Variants in CACNA1D observed in about 807,000 individuals in gnomAD.
CACNA1D encodes the protein voltage-dependent L-type calcium channel subunit alpha-1D.
A neutral mutation model predicts 257.1 loss-of-function variants in CACNA1D; 55 were observed. The ratio of observed to expected loss-of-function variants is 0.21; its 90% confidence interval spans 0.17 to 0.27. CACNA1D has a LOEUF of 0.27. Among genes scored for constraint, CACNA1D ranks in the 10% least tolerant of loss-of-function variants. The pLI is 1.00. For missense variants in CACNA1D, 1,876 were observed against 2,784.0 expected (o/e 0.67, Z 7.34); for synonymous variants, 980 against 1,014.9 (o/e 0.97, Z 0.65).
At chr3:53,628,679 C>T (rs1470268360) in intron 3 of CACNA1D, among the ~76,000 whole-genome samples, 1 of 152,156 alleles carries the variant, frequency 6.6e-6, no homozygotes, top group African/African-American at 2.4e-5. Flanking sequence ...TGTGTCCCTC[C>T]AGACAAAGCT....
intron 3 of CACNA1D, among the ~76,000 whole-genome samples, chr3:53,611,951 G>A (rs933203813): frequency 2.0e-5 from 3 of 152,178 alleles, no homozygotes; most frequent in African/African-American, 7.2e-5. Flanking sequence ...GCTACGGTCT[G>A]GGATTAGGTC....
chr3:53,803,775 G>A (rs1009721023), intron 44 of CACNA1D, among the ~76,000 whole-genome samples: 4 of 152,256 alleles, frequency 2.6e-5, no homozygotes, highest in Non-Finnish European at 4.4e-5. Flanking sequence ...TTTCAGACCT[G>A]TTGCCTTATT....
At chr3:53,739,816 G>T (rs79409929) in intron 20 of CACNA1D, among the ~76,000 whole-genome samples, 1 of 152,224 alleles carries the variant, frequency 6.6e-6, no homozygotes, top group East Asian at 1.9e-4. Flanking sequence ...TACTGGCTCC[G>T]ACAGATGCCG....
At chr3:53,736,789 G>A (rs976048460) in intron 20 of CACNA1D, among the ~76,000 whole-genome samples, 2 of 151,980 alleles carry the variant, frequency 1.3e-5, no homozygotes, top group African/African-American at 4.8e-5. Context: ...TTGGGAGGCT[G>A]AGGTGGGAGG....
At chr3:53,607,993 T>A (rs1306665225) in intron 3 of CACNA1D, among the ~76,000 whole-genome samples, 3 of 152,218 alleles carry the variant, frequency 2.0e-5, no homozygotes, top group Admixed American at 6.5e-5. Flanking sequence ...TTCTTTGTAT[T>A]TCCATATAAA....
chr3:53,724,530 T>C (rs1380437448), intron 14 of CACNA1D, among the ~76,000 whole-genome samples: 1 of 152,228 alleles, frequency 6.6e-6, no homozygotes, highest in Non-Finnish European at 1.5e-5. Flanking sequence ...GTGCCTGTCC[T>C]GTGGGGCCTC....
At position 53,723,675 on chromosome 3, in the gene CACNA1D, T is replaced by A. The variant is rs768248281; in HGVS notation, c.1892+16T>A. 5.0e-6 allele frequency: 8 copies of A among 1,609,838 alleles called. No individual in the cohort carries two copies. Among genetic ancestry groups the A allele is most frequent in the Non-Finnish European group, 6.8e-6 (8 of 1,176,348 alleles). On this transcript the variant is annotated intron_variant, in intron 13 of 47. Transcript: ENST00000350061. This position sits in a 1 kb window ranked among gnomAD's most constrained non-coding sequence, Gnocchi z 5.6. ...AAGTGACCAGGTAAGGAAATGTGGG[T>A]CCCACTGCAAATGTTTTATGAACAT... is the stretch of plus-strand genomic sequence containing the variant.
chr3:53,730,405 T>C (rs1456904548), intron 15 of CACNA1D, 37 bp from the exon 16 acceptor site: 1 of 1,375,062 alleles, frequency 7.3e-7, no homozygotes. Context: ...GTAGTTGCAT[T>C]TAGTAGTGTG....
intron 3 of CACNA1D, among the ~76,000 whole-genome samples, chr3:53,640,764 A>G (rs142388877): frequency 1.3e-5 from 2 of 152,258 alleles, no homozygotes; most frequent in Non-Finnish European, 2.9e-5. Flanking sequence ...TTGGATGCCA[A>G]CTCTACCCAG....
intron 29 of CACNA1D, among the ~76,000 whole-genome samples, chr3:53,761,576 A>G (rs1039306274): frequency 6.6e-6 from 1 of 152,232 alleles, no homozygotes; most frequent in Non-Finnish European, 1.5e-5. Context: ...AATGTGTGCA[A>G]TACCTGGTGA....
At chr3:53,582,905 TC>T (rs1459856402) in intron 3 of CACNA1D, among the ~76,000 whole-genome samples, 1 of 152,108 alleles carries the variant, frequency 6.6e-6, no homozygotes, top group African/African-American at 2.4e-5. Context: ...TGTGCACCTT[TC>T]CCCCACAACT....
At chr3:53,809,499 A>G (rs1441964640) in intron 46 of CACNA1D, 4 of 209,520 alleles carry the variant, frequency 1.9e-5, no homozygotes, top group African/African-American at 9.1e-5. Context: ...TGGGATTGTA[A>G]GACCGGGGCT....
intron 3 of CACNA1D, among the ~76,000 whole-genome samples, chr3:53,590,671 G>T (rs1371366592): frequency 6.6e-6 from 1 of 152,124 alleles, no homozygotes; most frequent in Non-Finnish European, 1.5e-5. Flanking sequence ...ATTAGCTTTG[G>T]GCCAGATTCC....
chr3:53,740,223 C>G (rs1250738403), intron 20 of CACNA1D, 57 bp from the exon 21 acceptor site: 15 of 1,195,178 alleles, frequency 1.3e-5, no homozygotes, highest in Non-Finnish European at 1.8e-5. Flanking sequence ...TGTAAGCATG[C>G]AGATGTCAGA....
chr3:53,580,003 C>T (rs1280113078), intron 3 of CACNA1D, among the ~76,000 whole-genome samples: 2 of 152,238 alleles, frequency 1.3e-5, no homozygotes, highest in Non-Finnish European at 2.9e-5. Flanking sequence ...CTGCTTTTCA[C>T]ATTCTTATCA....
intron 8 of CACNA1D, among the ~76,000 whole-genome samples, chr3:53,685,164 A>G (rs1375748108): frequency 6.6e-6 from 1 of 152,200 alleles, no homozygotes; most frequent in Non-Finnish European, 1.5e-5. Flanking sequence ...GATGAACTGT[A>G]CTAATCCACA....
At chr3:53,648,338 T>A (rs988686043) in intron 3 of CACNA1D, among the ~76,000 whole-genome samples, 1 of 152,234 alleles carries the variant, frequency 6.6e-6, no homozygotes, top group Non-Finnish European at 1.5e-5. Flanking sequence ...GGTCAGGGTC[T>A]GATGTGAGCA....
intron 9 of CACNA1D, among the ~76,000 whole-genome samples, chr3:53,708,101 T>C (rs2094711316): frequency 6.6e-6 from 1 of 152,238 alleles, no homozygotes; most frequent in Non-Finnish European, 1.5e-5. Flanking sequence ...CTCTTTTGCA[T>C]GTGCTACCTA....
At position 53,800,873 on chromosome 3, in the gene CACNA1D, T is replaced by A; in HGVS notation, c.5041-185T>A. The A allele has an allele frequency of 1.5e-6, 1 of 651,460 alleles. No individual in the cohort carries two copies. The highest frequency in any genetic ancestry group is 2.7e-6 in the Non-Finnish European group (1 of 365,562). The allele number at this position is 651,460 out of a possible 1,614,324, so 40.4% of individuals were successfully genotyped here. Reference sequence around the variant, plus strand: ...CTCAGGAAATCGGTAACCTTCCTCATCTCGGGGGGACCAACTGCCACACAG... The same window carrying A: ...CTCAGGAAATCGGTAACCTTCCTCAACTCGGGGGGACCAACTGCCACACAG... On this transcript the variant is annotated intron_variant, in intron 41 of 47. Coordinates refer to ENST00000350061, the MANE Select transcript of CACNA1D (RefSeq NM_001128840.3). This position sits in a 1 kb window ranked among gnomAD's most constrained non-coding sequence, Gnocchi z 4.3.
Sources: gnomAD v4.1 joint callset for allele counts (sites outside exome capture counted in the v4.1 genomes callset) on GRCh38, gnomAD v4.1.1 for gene constraint, Gnocchi (gnomAD v3.1) non-coding constraint, MANE v1.5 for transcripts, NCBI Gene and HGNC (gene_info 2026-07-23, HGNC 2026-07-21) for gene names.